Variants in CDC42SE2 observed in about 807,000 individuals in gnomAD.
CDC42SE2 encodes the protein CDC42 small effector 2.
CDC42SE2 carries 3 observed loss-of-function variants against 11.5 expected under a neutral mutation model. That is an observed-to-expected ratio of 0.26 (90% CI 0.12 to 0.67). The LOEUF is 0.67. CDC42SE2 is among the 30% of genes least tolerant of loss of function. CDC42SE2 has a pLI of 0.80. For synonymous variants in CDC42SE2, 33 were observed against 34.8 expected, an observed-to-expected ratio of 0.95 and a Z score of 0.18; for missense variants, 82 against 106.8, an observed-to-expected ratio of 0.77 and a Z score of 1.02.
the CDC42SE2 span, among the ~76,000 whole-genome samples, chr5:131,214,480 C>T: frequency 6.6e-6 from 1 of 152,020 alleles, no homozygotes; most frequent in East Asian, 1.9e-4. Flanking sequence ...CCACAAACTG[C>T]TCTATGTAGC....
At chr5:131,345,766 A>G (rs572282639) in intron 2 of CDC42SE2, among the ~76,000 whole-genome samples, 262 of 152,296 alleles carry the variant, frequency 1.7e-3, no homozygotes, top group South Asian at 3.5e-3. Flanking sequence ...CGGGTTACCC[A>G]CAAAGGGAAG....
At chr5:131,310,057 C>T (rs867293996) in intron 1 of CDC42SE2, among the ~76,000 whole-genome samples, 2 of 152,092 alleles carry the variant, frequency 1.3e-5, no homozygotes, top group Non-Finnish European at 2.9e-5. Context: ...AATTTTGGAT[C>T]TTTCCTGCTT....
chr5:131,246,584 C>T (rs1275053417), intron 1 of CDC42SE2, among the ~76,000 whole-genome samples: 1 of 151,820 alleles, frequency 6.6e-6, no homozygotes, highest in Non-Finnish European at 1.5e-5. Flanking sequence ...TAGGTTGGTC[C>T]ATAATAGAGT....
chr5:131,241,202 T>G (rs1166101237), upstream of CDC42SE2, among the ~76,000 whole-genome samples: 1 of 152,030 alleles, frequency 6.6e-6, no homozygotes, highest in African/African-American at 2.4e-5. Context: ...ATGGTCTCGA[T>G]CTCCTGACCT....
In CDC42SE2 at chr5:131,391,128, G is replaced by T; in HGVS notation, c.*37G>T. On this transcript the variant is annotated 3_prime_UTR_variant, in exon 5 of 5. Coordinates refer to ENST00000505065, the MANE Select transcript of CDC42SE2 (RefSeq NM_001375635.1). ...TCTCCAGTGAGTACTCAGAGCTGGG[G>T]TCTGGACCTGACGGCCAGACATGGC... 1 of 1,487,800 alleles carries T rather than the reference G, an allele frequency of 6.7e-7. No homozygotes were observed. Among genetic ancestry groups the T allele is most frequent in the East Asian group, 2.3e-5 (1 of 43,394 alleles). The allele number at this position is 1,487,800 out of a possible 1,614,324, so 92.2% of individuals were successfully genotyped here.
chr5:131,250,382 ATAGAGG>A (rs1756630388), intron 1 of CDC42SE2, among the ~76,000 whole-genome samples: 1 of 152,268 alleles, frequency 6.6e-6, no homozygotes, highest in African/African-American at 2.4e-5. Flanking sequence ...ACACTATTAC[ATAGAGG>A]AAACAACAAT....
upstream of CDC42SE2, among the ~76,000 whole-genome samples, chr5:131,259,067 T>A (rs1756702715): frequency 6.6e-6 from 1 of 152,210 alleles, no homozygotes; most frequent in Non-Finnish European, 1.5e-5. Flanking sequence ...ATTCTGACAG[T>A]TGGTTATTTT....
intron 2 of CDC42SE2, among the ~76,000 whole-genome samples, chr5:131,357,302 T>C (rs1186371288): frequency 6.6e-6 from 1 of 152,244 alleles, no homozygotes; most frequent in Non-Finnish European, 1.5e-5. Context: ...TTTTCCTGTA[T>C]GTTAGAGGAC....
chr5:131,311,258 T>C (rs1035023561), intron 1 of CDC42SE2, among the ~76,000 whole-genome samples: 1 of 150,810 alleles, frequency 6.6e-6, no homozygotes, highest in African/African-American at 2.4e-5. Context: ...TTTAAGAATG[T>C]TGAATATTGG....
intron 1 of CDC42SE2, among the ~76,000 whole-genome samples, chr5:131,285,301 A>C (rs972889712): frequency 6.6e-6 from 1 of 152,114 alleles, no homozygotes; most frequent in Non-Finnish European, 1.5e-5. Flanking sequence ...AATAAAACCC[A>C]AAACCGTAAA....
At chr5:131,327,460 A>G (rs1758321878) in intron 2 of CDC42SE2, among the ~76,000 whole-genome samples, 1 of 152,032 alleles carries the variant, frequency 6.6e-6, no homozygotes, top group African/African-American at 2.4e-5. Context: ...TCTTTTGAGT[A>G]TTCTTCCAAA....
At chr5:131,236,744 C>G in the CDC42SE2 span, among the ~76,000 whole-genome samples, 1 of 152,192 alleles carries the variant, frequency 6.6e-6, no homozygotes, top group African/African-American at 2.4e-5. Flanking sequence ...ACTTCTTTCC[C>G]TAATAGCTAC....
chr5:131,241,417 T>G (rs926309707), upstream of CDC42SE2, among the ~76,000 whole-genome samples: 1 of 152,114 alleles, frequency 6.6e-6, no homozygotes, highest in African/African-American at 2.4e-5. Context: ...GGCCTCAAAG[T>G]TATATATTTT....
chr5:131,328,898 C>G (rs1470333670), intron 2 of CDC42SE2, among the ~76,000 whole-genome samples: 4 of 152,176 alleles, frequency 2.6e-5, no homozygotes, highest in African/African-American at 9.7e-5. Context: ...CAGGCAAATT[C>G]TGATTGGGAT....
At chr5:131,328,046 A>G (rs1175647921) in intron 2 of CDC42SE2, among the ~76,000 whole-genome samples, 2 of 152,192 alleles carry the variant, frequency 1.3e-5, no homozygotes, top group Non-Finnish European at 2.9e-5. Context: ...GAGTGAGAAG[A>G]TAGAACTCCC....
intron 1 of CDC42SE2, among the ~76,000 whole-genome samples, chr5:131,295,468 A>G (rs1390568416): frequency 6.6e-6 from 1 of 152,180 alleles, no homozygotes; most frequent in African/African-American, 2.4e-5. Context: ...TTCTACATAT[A>G]CAGAATGGTC....
intron 2 of CDC42SE2, among the ~76,000 whole-genome samples, chr5:131,257,200 G>C (rs1283725977): frequency 1.3e-5 from 2 of 151,384 alleles, no homozygotes; most frequent in African/African-American, 4.9e-5. Flanking sequence ...GAAGAATCCT[G>C]GTTTGCCATC....
intron 2 of CDC42SE2, among the ~76,000 whole-genome samples, chr5:131,338,783 CCATACTGCCGATCCAAATATGTACCTA>C (rs1580764552): frequency 1.3e-5 from 2 of 152,132 alleles, no homozygotes; most frequent in East Asian, 3.9e-4. Flanking sequence ...AACCAGTACA[CCATACTGCCGATCCAAATATGTACCTA>C]CATACCAGTG....
At chr5:131,300,868 A>G (rs1580740089) in intron 1 of CDC42SE2, among the ~76,000 whole-genome samples, 2 of 152,302 alleles carry the variant, frequency 1.3e-5, no homozygotes, top group East Asian at 3.9e-4. Context: ...CATTCTAGTT[A>G]TAATGTGCAT....
Sources: allele counts gnomAD v4.1 joint callset (sites outside exome capture counted in the v4.1 genomes callset), GRCh38; gene constraint gnomAD v4.1.1; transcripts MANE v1.5; gene names NCBI Gene and HGNC (gene_info 2026-07-23, HGNC 2026-07-21).